Variants in C16orf74 observed in about 807,000 individuals in gnomAD.
C16orf74 encodes the protein calcimembrin.
Under a neutral mutation model 6.5 loss-of-function variants are expected in C16orf74, and 10 were observed. The ratio of observed to expected loss-of-function variants is 1.54; its 90% CI spans 0.95 to 2.61. The LOEUF (loss-of-function observed/expected upper bound fraction) is 2.61, where lower values mean the gene tolerates loss of function less well. Among genes scored for constraint, C16orf74 ranks in the 30% most tolerant of loss-of-function variants. The pLI, the probability that C16orf74 is intolerant of heterozygous loss-of-function variation, is 0.00. For synonymous variants in C16orf74, 60 were observed against 42.5 expected, an observed-to-expected ratio of 1.41 and a Z score of -1.60; for missense variants, 141 against 105.9, an observed-to-expected ratio of 1.33 and a Z score of -1.45.
chr16:85,710,080 G>A (rs936379129), intron 3 of C16orf74, 84 bp downstream of exon 3: 13 of 1,210,936 alleles, frequency 1.1e-5, no homozygotes, highest in Admixed American at 8.3e-5. Flanking sequence ...GCTAGGCCCC[G>A]TGGCCAGGAA....
chr16:85,722,791 G>C (rs1011264119), intron 2 of C16orf74, among the ~76,000 whole-genome samples: 9 of 152,258 alleles, frequency 5.9e-5, no homozygotes, highest in African/African-American at 1.9e-4. Context: ...GTTGAGAAGA[G>C]ACAAGTGCAG....
intron 1 of C16orf74, among the ~76,000 whole-genome samples, chr16:85,747,738 C>T (rs1006348322): frequency 6.6e-6 from 1 of 152,086 alleles, no homozygotes; most frequent in East Asian, 1.9e-4. Flanking sequence ...AGTTGGTCTA[C>T]AGCTTGGTTT....
intron 2 of C16orf74, among the ~76,000 whole-genome samples, chr16:85,734,801 C>T (rs979556227): frequency 2.0e-5 from 3 of 152,198 alleles, no homozygotes; most frequent in Admixed American, 1.3e-4. Flanking sequence ...CTCCTACCAC[C>T]TGGACGCTGG....
intron 2 of C16orf74, among the ~76,000 whole-genome samples, chr16:85,728,191 A>C (rs552718760): frequency 1.3e-5 from 2 of 152,102 alleles, no homozygotes; most frequent in Non-Finnish European, 2.9e-5. Context: ...ACTAATAAAT[A>C]AATAACAATG....
intron 2 of C16orf74, among the ~76,000 whole-genome samples, chr16:85,732,827 G>T (rs2054204460): frequency 1.3e-5 from 2 of 152,124 alleles, no homozygotes; most frequent in African/African-American, 4.8e-5. Flanking sequence ...AAAATGGATG[G>T]ACAAGCCACA....
chr16:85,731,737 G>T (rs917487858), intron 2 of C16orf74, among the ~76,000 whole-genome samples: 2 of 151,960 alleles, frequency 1.3e-5, no homozygotes, highest in African/African-American at 4.8e-5. Context: ...ACCCAGGCTG[G>T]AGTGCAGTGG....
chr16:85,719,682 G>T (rs1209391608), intron 2 of C16orf74, among the ~76,000 whole-genome samples: 2 of 152,294 alleles, frequency 1.3e-5, no homozygotes, highest in Non-Finnish European at 2.9e-5. Context: ...GTTTAGGGGA[G>T]ACTGGGAATT....
intron 2 of C16orf74, among the ~76,000 whole-genome samples, chr16:85,727,090 AG>A (rs1476550540): frequency 1.2e-4 from 18 of 152,350 alleles, no homozygotes; most frequent in Admixed American, 4.6e-4. Flanking sequence ...TCATCCCTGT[AG>A]CCCCGGCACC....
intron 2 of C16orf74, among the ~76,000 whole-genome samples, chr16:85,724,461 G>T (rs139965830): frequency 6.6e-6 from 1 of 152,234 alleles, no homozygotes; most frequent in Non-Finnish European, 1.5e-5. Context: ...CTCTGGCTGG[G>T]TGACCTCAGG....
chr16:85,732,389 G>A (rs963763599), intron 2 of C16orf74, among the ~76,000 whole-genome samples: 2 of 152,170 alleles, frequency 1.3e-5, no homozygotes, highest in African/African-American at 4.8e-5. Context: ...CTCTGGGCCA[G>A]GTGTGGTGGC....
chr16:85,714,396 T>C (rs1430470023), intron 2 of C16orf74, among the ~76,000 whole-genome samples: 3 of 52,640 alleles, frequency 5.7e-5, no homozygotes, highest in Non-Finnish European at 1.1e-4. Flanking sequence ...TTTATTTATT[T>C]ATTTATTATT....
chr16:85,742,188 C>T (rs1041043498), intron 1 of C16orf74, among the ~76,000 whole-genome samples: 1 of 152,284 alleles, frequency 6.6e-6, no homozygotes, highest in East Asian at 1.9e-4. Flanking sequence ...GCCTGGCCAA[C>T]ATGGCAAAAC....
At chr16:85,725,312 T>C (rs973118249) in intron 2 of C16orf74, among the ~76,000 whole-genome samples, 2 of 151,046 alleles carry the variant, frequency 1.3e-5, no homozygotes, top group African/African-American at 4.9e-5. Flanking sequence ...CACACCTGGG[T>C]TCCCAGCCAG....
At chr16:85,724,686 G>A (rs1421634320) in intron 2 of C16orf74, among the ~76,000 whole-genome samples, 1 of 152,178 alleles carries the variant, frequency 6.6e-6, no homozygotes, top group Non-Finnish European at 1.5e-5. Context: ...CGAGGATAAT[G>A]GGGATGACAG....
intron 2 of C16orf74, among the ~76,000 whole-genome samples, chr16:85,713,600 C>G (rs756380878): frequency 6.6e-6 from 1 of 152,206 alleles, no homozygotes; most frequent in Non-Finnish European, 1.5e-5. Flanking sequence ...TAAGGACACC[C>G]GTCATATTGG....
At chr16:85,750,307 C>G (rs1211159633) in intron 1 of C16orf74, among the ~76,000 whole-genome samples, 2 of 152,354 alleles carry the variant, frequency 1.3e-5, no homozygotes, top group East Asian at 1.9e-4. Context: ...AGACCCCGCC[C>G]TCCGCCTATC....
chr16:85,717,418 A>T (rs1032885291), intron 2 of C16orf74, among the ~76,000 whole-genome samples: 2 of 152,180 alleles, frequency 1.3e-5, no homozygotes, highest in African/African-American at 4.8e-5. Flanking sequence ...GGAACCCCTG[A>T]GCTAGGGCCA....
chr16:85,713,582 C>T, intron 2 of C16orf74, among the ~76,000 whole-genome samples: 1 of 152,184 alleles, frequency 6.6e-6, no homozygotes, highest in East Asian at 1.9e-4. Context: ...CCAGATTTCC[C>T]CTTTTGATAA....
intron 2 of C16orf74, among the ~76,000 whole-genome samples, chr16:85,734,540 G>C (rs575213196): frequency 1.3e-5 from 2 of 152,336 alleles, no homozygotes; most frequent in East Asian, 1.9e-4. Context: ...CTCAGGCAGC[G>C]GGGCCGCAAG....
Sources: gnomAD v4.1 joint callset for allele counts (sites outside exome capture counted in the v4.1 genomes callset) on GRCh38, gnomAD v4.1.1 for gene constraint, MANE v1.5 for transcripts, NCBI Gene and HGNC (gene_info 2026-07-23, HGNC 2026-07-21) for gene names.